Variants in WWOX observed in about 807,000 individuals in gnomAD.
WWOX encodes the protein WW domain containing oxidoreductase.
WWOX carries 69 observed loss-of-function variants against 46.2 expected under a neutral mutation model. The ratio of observed to expected loss-of-function variants is 1.49; its 90% CI spans 1.23 to 1.82. The LOEUF (loss-of-function observed/expected upper bound fraction) is 1.82, where lower values mean the gene tolerates loss of function less well. WWOX is among the 40% of genes most tolerant of loss of function. The pLI, the probability that WWOX is intolerant of heterozygous loss-of-function variation, is 0.00. For synonymous variants in WWOX, 359 were observed against 202.6 expected (o/e 1.77, Z -6.56); for missense variants, 919 against 542.6 (o/e 1.69, Z -6.89).
intron 8 of WWOX, among the ~76,000 whole-genome samples, chr16:79,021,929 C>G (rs902895521): frequency 6.6e-6 from 1 of 152,278 alleles, no homozygotes; most frequent in Non-Finnish European, 1.5e-5. Flanking sequence ...ACTGTATCAC[C>G]CAGTTCACTG....
In WWOX at chr16:78,099,734, C is replaced by G. The variant is rs758635052; in HGVS notation, c.-45C>G. On this transcript the variant is annotated 5_prime_UTR_variant, in exon 1 of 9. Coordinates refer to ENST00000566780, the MANE Select transcript of WWOX (RefSeq NM_016373.4). Reference sequence around the variant, plus strand: ...GGGAGTGAGTTCCTGAGCGAGTGGACCCGGCAGCGGGCGATAGGGGGGCCA... The same window carrying G: ...GGGAGTGAGTTCCTGAGCGAGTGGAGCCGGCAGCGGGCGATAGGGGGGCCA... The G allele has an allele frequency of 6.6e-7, 1 of 1,512,928 alleles. No individual in the cohort carries two copies. The highest frequency in any genetic ancestry group is 1.4e-5 in the African/African-American group (1 of 70,792). The allele number at this position is 1,512,928 out of a possible 1,614,324, so 93.7% of individuals were successfully genotyped here. A position where few individuals can be genotyped will look rare whatever the true frequency, so the allele number is the denominator to read the frequency against.
intron 5 of WWOX, among the ~76,000 whole-genome samples, chr16:78,332,557 C>A (rs993372873): frequency 7.9e-5 from 12 of 152,130 alleles, no homozygotes; most frequent in Admixed American, 7.9e-4. Flanking sequence ...GAACAAACAT[C>A]CATTTGTCCA....
chr16:78,636,411 A>G (rs542115649), intron 8 of WWOX, among the ~76,000 whole-genome samples: 20 of 152,314 alleles, frequency 1.3e-4, no homozygotes, highest in Non-Finnish European at 2.6e-4. Context: ...AGATTACAGT[A>G]GAGGCATCCA....
chr16:78,180,548 G>C (rs1188298688), intron 5 of WWOX, among the ~76,000 whole-genome samples: 1 of 151,750 alleles, frequency 6.6e-6, no homozygotes, highest in South Asian at 2.1e-4. Context: ...GTTAGGGCTA[G>C]TGGGTAAACC....
intron 5 of WWOX, among the ~76,000 whole-genome samples, chr16:78,231,736 G>A (rs949615695): frequency 1.3e-5 from 2 of 152,200 alleles, no homozygotes; most frequent in Middle Eastern, 6.8e-3. Context: ...AACAAAATAC[G>A]AACTTAAGGA....
chr16:78,976,559 G>T (rs1215645367), intron 8 of WWOX, among the ~76,000 whole-genome samples: 1 of 152,178 alleles, frequency 6.6e-6, no homozygotes, highest in Admixed American at 6.5e-5. Context: ...GCTTGATCTA[G>T]GTCTCAGCCT....
intron 8 of WWOX, among the ~76,000 whole-genome samples, chr16:78,582,946 G>A (rs957844964): frequency 6.6e-5 from 10 of 152,124 alleles, no homozygotes; most frequent in African/African-American, 2.2e-4. Flanking sequence ...CTTGTTCTTG[G>A]GGCATCACAG....
intron 6 of WWOX, among the ~76,000 whole-genome samples, chr16:78,420,807 G>T (rs1005025713): frequency 8.6e-5 from 13 of 152,024 alleles, no homozygotes. Flanking sequence ...TAATAAATTA[G>T]CTAATGCTTA....
chr16:78,855,965 A>T (rs754161633), intron 8 of WWOX, among the ~76,000 whole-genome samples: 1 of 152,178 alleles, frequency 6.6e-6, no homozygotes, highest in Non-Finnish European at 1.5e-5. Flanking sequence ...GTACGGAAAA[A>T]GTCGGTGCAC....
chr16:78,256,757 A>G (rs2038142347), intron 5 of WWOX, among the ~76,000 whole-genome samples: 1 of 152,168 alleles, frequency 6.6e-6, no homozygotes, highest in Non-Finnish European at 1.5e-5. Context: ...AGAGCAGAAC[A>G]TTGGTGAATG....
At chr16:78,903,975 T>C (rs2044894173) in intron 8 of WWOX, among the ~76,000 whole-genome samples, 4 of 152,264 alleles carry the variant, frequency 2.6e-5, no homozygotes, top group Admixed American at 2.0e-4. Context: ...AGACTCCTTG[T>C]GTGTAGTAAA....
At chr16:78,772,333 G>T (rs535271802) in intron 8 of WWOX, among the ~76,000 whole-genome samples, 1 of 152,120 alleles carries the variant, frequency 6.6e-6, no homozygotes, top group African/African-American at 2.4e-5. Flanking sequence ...GAGGATAATG[G>T]CTTCTAGCCC....
intron 4 of WWOX, among the ~76,000 whole-genome samples, chr16:78,125,584 G>A (rs1289448755): frequency 1.3e-5 from 2 of 152,096 alleles, no homozygotes; most frequent in African/African-American, 4.8e-5. Flanking sequence ...GCTTAGGAGT[G>A]GGCATGGTGG....
chr16:78,979,084 CTT>C (rs200040353), intron 8 of WWOX, among the ~76,000 whole-genome samples: 142 of 142,132 alleles, frequency 1.0e-3, no homozygotes, highest in East Asian at 2.1e-3. Flanking sequence ...GAATTTCAGT[CTT>C]TTTTTTTTTT....
chr16:78,546,151 C>G (rs986539167), intron 8 of WWOX, among the ~76,000 whole-genome samples: 1 of 152,088 alleles, frequency 6.6e-6, no homozygotes, highest in African/African-American at 2.4e-5. Context: ...CATAATTAAT[C>G]ACAAAAAGCT....
In WWOX at chr16:78,215,795, G is replaced by A. The variant is rs559977771; in HGVS notation, c.516+51506G>A. ...ATACAAAACAGCCGGGTATGGTGGT[G>A]TGTGCCTGTAATCCCAGCTATTTGG... On this transcript the variant is annotated intron_variant, in intron 5 of 8. Coordinates refer to ENST00000566780, the MANE Select transcript of WWOX (RefSeq NM_016373.4). Among the ~76,000 whole-genome samples the A allele has an allele frequency of 2.7e-3, 407 of 152,086 alleles. 1 individual carries two copies. The highest frequency in any genetic ancestry group is 9.5e-3 in the African/African-American group (393 of 41,478).
At chr16:79,179,902 C>T (rs143817562) in intron 8 of WWOX, among the ~76,000 whole-genome samples, 10 of 152,290 alleles carry the variant, frequency 6.6e-5, no homozygotes, top group Admixed American at 1.3e-4. Context: ...GTTGGAATTA[C>T]AGCATAGATG....
chr16:79,026,575 T>C (rs1223158765), intron 8 of WWOX, among the ~76,000 whole-genome samples: 1 of 150,648 alleles, frequency 6.6e-6, no homozygotes, highest in Non-Finnish European at 1.5e-5. Flanking sequence ...CTCTCCTGCC[T>C]CTAGGGGAGA....
intron 5 of WWOX, among the ~76,000 whole-genome samples, chr16:78,241,548 C>T (rs1258036568): frequency 6.6e-6 from 1 of 152,136 alleles, no homozygotes; most frequent in Non-Finnish European, 1.5e-5. Context: ...AAGCAATTCT[C>T]CTGCCTTAGG....
Sources: gnomAD v4.1 joint callset for allele counts (sites outside exome capture counted in the v4.1 genomes callset) on GRCh38, gnomAD v4.1.1 for gene constraint, MANE v1.5 for transcripts, NCBI Gene and HGNC (gene_info 2026-07-23, HGNC 2026-07-21) for gene names.